The following SCN11A variants were observed in gnomAD, a reference collection of about 807,000 sequenced individuals.
The protein encoded by SCN11A is sodium voltage-gated channel alpha subunit 11.
In SCN11A, 122 loss-of-function variants were observed where a neutral mutation model predicts 162.2. That is an observed-to-expected ratio of 0.75 (90% CI 0.65 to 0.87). SCN11A has a LOEUF of 0.87. Among genes scored for constraint, SCN11A ranks in the 40% least tolerant of loss-of-function variants. SCN11A has a pLI of 0.00. For missense variants in SCN11A, 2,015 were observed against 2,181.6 expected (o/e 0.92, Z 1.52); for synonymous variants, 758 against 751.5 (o/e 1.01, Z -0.14).
At chr3:38,885,478 T>C (rs1417988382) in intron 20 of SCN11A, 76 bp from the exon 21 acceptor site, 8 of 806,414 alleles carry the variant, frequency 9.9e-6, no homozygotes, top group South Asian at 3.1e-5. Flanking sequence ...GAGTTTCTCA[T>C]TGTCTGATTT....
chr3:38,901,137 C>T (rs543756821), intron 16 of SCN11A, among the ~76,000 whole-genome samples: 2 of 151,708 alleles, frequency 1.3e-5, no homozygotes, highest in East Asian at 1.9e-4. Context: ...CGACTAAATT[C>T]GATTATTAAA....
intron 4 of SCN11A, among the ~76,000 whole-genome samples, chr3:38,950,976 G>C (rs192733838): frequency 1.3e-5 from 2 of 152,262 alleles, no homozygotes; most frequent in Admixed American, 6.5e-5. Context: ...AAAGTGAGAG[G>C]TGACAGCGTG....
chr3:38,994,046 T>A (rs1240871424), intron 2 of SCN11A, among the ~76,000 whole-genome samples: 1 of 152,184 alleles, frequency 6.6e-6, no homozygotes, highest in African/African-American at 2.4e-5. Context: ...TTTTCTCCTT[T>A]CCCTGCCTCA....
chr3:38,936,617 C>A (rs1377984032), intron 7 of SCN11A, among the ~76,000 whole-genome samples: 9,788 of 150,434 alleles, frequency 0.065, 1,021 homozygotes, highest in African/African-American at 0.22. Context: ...AACTCCCATT[C>A]ACAATTGCTT....
At chr3:38,913,319 T>C (rs573298399) in intron 11 of SCN11A, among the ~76,000 whole-genome samples, 18 of 152,206 alleles carry the variant, frequency 1.2e-4, no homozygotes, top group Non-Finnish European at 2.1e-4. Flanking sequence ...TTGCCCACTT[T>C]TCAGTGGAGT....
rs2065056436 is a variant in SCN11A, at chr3:38,867,334, T to C, written c.3938A>G (p.Gln1313Arg). ...CCAGATACTTATCTTTTTCTGCTGT[T>C]GGTTGAAGTTGTCAATGATAACGCC... ...FIGVIIDNFN[Q>R]QQKKLGGQDI... Residue 1313 changes from glutamine (Q) to arginine (R), a missense_variant, in exon 27 of 30, where the codon CAA (glutamine) becomes CGA (arginine). Transcript: ENST00000302328. The C allele has an allele frequency of 6.2e-7, 1 of 1,612,688 alleles. No homozygotes were observed. The highest frequency in any genetic ancestry group is 1.3e-5 in the African/African-American group (1 of 74,968).
intron 19 of SCN11A, among the ~76,000 whole-genome samples, chr3:38,888,117 T>G (rs911717080): frequency 1.3e-5 from 2 of 152,130 alleles, no homozygotes; most frequent in Non-Finnish European, 2.9e-5. Flanking sequence ...TGAGGTAAAG[T>G]TTTTGCACTT....
chr3:38,937,975 C>T (rs1255642483), intron 7 of SCN11A, among the ~76,000 whole-genome samples: 4 of 152,078 alleles, frequency 2.6e-5, no homozygotes, highest in Non-Finnish European at 4.4e-5. Context: ...TACTTGGAAC[C>T]AACCCAAATG....
At chr3:38,947,553 C>T (rs73828734) in intron 5 of SCN11A, among the ~76,000 whole-genome samples, 2,427 of 152,298 alleles carry the variant, frequency 0.016, 66 homozygotes, top group African/African-American at 0.056. Flanking sequence ...TGGGCTCTAC[C>T]GGCCTTTTAC....
In SCN11A at chr3:38,879,949, C is replaced by T. The variant is rs768826766; in HGVS notation, c.3393+1G>A. On this transcript the variant is annotated splice_donor_variant, in intron 23 of 29. Coordinates refer to ENST00000302328, the MANE Select transcript of SCN11A (RefSeq NM_001349253.2). LOFTEE classifies it high-confidence loss of function. ...GTGGGACACAGAGATGGTAAACTTA[C>T]AATCACAATGATGAAATCAAGGCAG... 3.7e-6 allele frequency: 6 copies of T among 1,611,512 alleles called. No homozygotes were observed. The highest frequency in any genetic ancestry group is 1.1e-5 in the South Asian group (1 of 90,648).
At chr3:38,886,351 C>T (rs952581299) in intron 19 of SCN11A, 113 bp from the exon 20 acceptor site, 5 of 574,022 alleles carry the variant, frequency 8.7e-6, no homozygotes, top group African/African-American at 1.8e-5. Context: ...AAGCCTTTGA[C>T]ATTATTACTC....
intron 20 of SCN11A, 72 bp from the exon 21 acceptor site, chr3:38,885,474 C>G: frequency 2.4e-6 from 2 of 833,580 alleles, no homozygotes; most frequent in Non-Finnish European, 4.0e-6. Context: ...TACGGAGTTT[C>G]TCATTGTCTG....
chr3:38,950,293 G>A lies in SCN11A; in HGVS notation c.70C>T (p.Leu24=). The part of the protein sequence containing the change: ...RNFRPFTSDS[L]AAIEKRIAIQ... ...GCAATCCGCTTCTCAATTGCAGCCA[G>A]AGAGTCGGAAGTGAAGGGGCGGAAA... Residue 24 remains leucine, a synonymous_variant, in exon 5 of 30, where the codon CTG becomes TTG. Transcript: ENST00000302328. 6.2e-7 allele frequency: 1 copy of A among 1,614,098 alleles called. No individual in the cohort carries two copies.
chr3:38,902,879 A>C (rs2065726185), intron 16 of SCN11A, among the ~76,000 whole-genome samples: 1 of 152,150 alleles, frequency 6.6e-6, no homozygotes, highest in South Asian at 2.1e-4. Flanking sequence ...CATCACAAAA[A>C]AAAAAATGCC....
intron 1 of SCN11A, among the ~76,000 whole-genome samples, chr3:39,041,855 A>G (rs1443507819): frequency 6.6e-6 from 1 of 152,254 alleles, no homozygotes; most frequent in African/African-American, 2.4e-5. Context: ...AAAGAATTTC[A>G]AAACAACTAG....
intron 10 of SCN11A, among the ~76,000 whole-genome samples, 195 bp downstream of exon 10, chr3:38,920,881 T>C (rs1258036107): frequency 6.6e-6 from 1 of 152,106 alleles, no homozygotes; most frequent in Non-Finnish European, 1.5e-5. Flanking sequence ...TTCAAGACTT[T>C]CCTTCTCCAT....
intron 6 of SCN11A, 23 bp downstream of exon 6, chr3:38,946,766 T>G (rs761589877): frequency 6.8e-7 from 1 of 1,472,058 alleles, no homozygotes; most frequent in South Asian, 1.2e-5. Flanking sequence ...CTGGACTTAG[T>G]AAAAGGTGCA....
At chr3:39,002,910 CA>C (rs1242412716) in intron 2 of SCN11A, among the ~76,000 whole-genome samples, 2 of 151,626 alleles carry the variant, frequency 1.3e-5, no homozygotes, top group Non-Finnish European at 2.9e-5. Context: ...CCAACAAGAT[CA>C]TGTTCTTGTT....
chr3:38,954,873 C>T (rs2066662445), intron 3 of SCN11A, among the ~76,000 whole-genome samples: 1 of 151,756 alleles, frequency 6.6e-6, no homozygotes, highest in Admixed American at 6.6e-5. Flanking sequence ...CCTGTAATCC[C>T]AGCCACTCGG....
Sources: allele counts gnomAD v4.1 joint callset (sites outside exome capture counted in the v4.1 genomes callset), GRCh38; gene constraint gnomAD v4.1.1; transcripts MANE v1.5; gene names NCBI Gene and HGNC (gene_info 2026-07-23, HGNC 2026-07-21).